Variants in PRKAG2 observed in about 807,000 individuals in gnomAD.
PRKAG2 encodes the protein 5'-AMP-activated protein kinase subunit gamma-2.
PRKAG2 carries 26 observed loss-of-function variants against 69.6 expected under a neutral mutation model. The ratio of observed to expected loss-of-function variants is 0.37; its 90% confidence interval spans 0.27 to 0.52. The LOEUF is 0.52. PRKAG2 is among the 20% of genes least tolerant of loss of function. The pLI is 0.90. For synonymous variants in PRKAG2, 293 were observed against 285.0 expected (o/e 1.03, Z -0.28); for missense variants, 557 against 740.0 (o/e 0.75, Z 2.87).
chr7:151,735,098 C>T (rs750870365), intron 3 of PRKAG2, among the ~76,000 whole-genome samples: 13 of 152,088 alleles, frequency 8.5e-5, no homozygotes, highest in East Asian at 1.9e-4. Context: ...TCAGGTGATC[C>T]GCCTGTTTTG....
intron 3 of PRKAG2, among the ~76,000 whole-genome samples, chr7:151,678,476 G>T (rs1459374723): frequency 6.6e-6 from 1 of 152,188 alleles, no homozygotes; most frequent in East Asian, 1.9e-4. Flanking sequence ...GGAGGTTTAG[G>T]AAGTCACCTA....
rs958965069 is a variant in PRKAG2, at chr7:151,771,835, G to A, written c.466+9317C>T. Among the ~76,000 whole-genome samples the A allele has an allele frequency of 5.3e-5, 8 of 152,142 alleles. No individual in the cohort carries two copies. The highest frequency in any genetic ancestry group is 2.1e-4 in the South Asian group (1 of 4,832). ...CTGTCCCTTCACAGTTTCTGGACCC[G>A]GTCGGGCTTACATATGACCCACTGA... On this transcript the variant is annotated intron_variant, in intron 3 of 15. Coordinates refer to ENST00000287878, the MANE Select transcript of PRKAG2 (RefSeq NM_016203.4). The surrounding 1 kb of genome is among the most constrained non-coding windows in gnomAD (Gnocchi z 4.0).
At chr7:151,569,408 A>G (rs1012753327) in intron 10 of PRKAG2, among the ~76,000 whole-genome samples, 1 of 152,246 alleles carries the variant, frequency 6.6e-6, no homozygotes. Flanking sequence ...ATCCTTAGAA[A>G]AGCAAACAGA....
intron 3 of PRKAG2, among the ~76,000 whole-genome samples, chr7:151,752,614 A>C (rs1340514958): frequency 6.6e-6 from 1 of 152,240 alleles, no homozygotes; most frequent in Admixed American, 6.5e-5. Context: ...ATGGCACTGA[A>C]TAGGATACAA....
intron 5 of PRKAG2, among the ~76,000 whole-genome samples, chr7:151,603,170 C>T (rs1462030134): frequency 3.6e-5 from 5 of 140,806 alleles, no homozygotes; most frequent in Non-Finnish European, 6.2e-5. Context: ...GTCCTCACCG[C>T]ACACGGAGGG....
At chr7:151,798,251 T>G (rs1167066654) in intron 1 of PRKAG2, among the ~76,000 whole-genome samples, 1 of 152,100 alleles carries the variant, frequency 6.6e-6, no homozygotes, top group Admixed American at 6.5e-5. Context: ...ATCCACCTAC[T>G]TTGGCCTCCC....
At chr7:151,630,544 C>T (rs4725418) in intron 5 of PRKAG2, among the ~76,000 whole-genome samples, 1,990 of 152,328 alleles carry the variant, frequency 0.013, 26 homozygotes, top group African/African-American at 0.045. Flanking sequence ...AAAACCAAGG[C>T]ACAGAGAGGT....
intron 4 of PRKAG2, among the ~76,000 whole-genome samples, chr7:151,661,056 C>T (rs1830235022): frequency 6.6e-6 from 1 of 152,170 alleles, no homozygotes; most frequent in Admixed American, 6.5e-5. Context: ...AAATACTTCT[C>T]CAGATGTATG....
chr7:151,742,179 C>T (rs1304480025), intron 3 of PRKAG2, among the ~76,000 whole-genome samples: 1 of 152,180 alleles, frequency 6.6e-6, no homozygotes, highest in Admixed American at 6.5e-5. Context: ...ACTTTCTCAT[C>T]CATGTGCACA....
intron 3 of PRKAG2, among the ~76,000 whole-genome samples, chr7:151,729,754 G>A (rs754299554): frequency 5.3e-5 from 8 of 151,960 alleles, no homozygotes; most frequent in South Asian, 2.1e-4. Flanking sequence ...AGAACACACC[G>A]CAGGCTCCCT....
At chr7:151,842,909 T>C (rs2079345623) in intron 1 of PRKAG2, among the ~76,000 whole-genome samples, 1 of 151,938 alleles carries the variant, frequency 6.6e-6, no homozygotes, top group African/African-American at 2.4e-5. Flanking sequence ...AGAAAACAAG[T>C]AAACTGCAGG....
At chr7:151,662,810 G>T (rs139317270) in intron 4 of PRKAG2, among the ~76,000 whole-genome samples, 17 of 152,278 alleles carry the variant, frequency 1.1e-4, no homozygotes, top group African/African-American at 4.1e-4. Context: ...GGCTACTCAG[G>T]ATAGCTTGAG....
At chr7:151,564,921 AGT>A (rs1805887432) in intron 13 of PRKAG2, among the ~76,000 whole-genome samples, 1 of 152,150 alleles carries the variant, frequency 6.6e-6, no homozygotes, top group Non-Finnish European at 1.5e-5. Context: ...GGGGCTATAA[AGT>A]GTCAGTCCCC....
intron 3 of PRKAG2, among the ~76,000 whole-genome samples, chr7:151,778,183 C>G (rs1425759584): frequency 1.3e-5 from 2 of 152,178 alleles, no homozygotes; most frequent in African/African-American, 2.4e-5. Flanking sequence ...TGCCCGTTCC[C>G]TAGCCCCCTG....
chr7:151,787,409 T>A (rs1366787342), intron 1 of PRKAG2, among the ~76,000 whole-genome samples: 3 of 151,254 alleles, frequency 2.0e-5, no homozygotes, highest in Non-Finnish European at 4.4e-5. Flanking sequence ...CACCCTCCTA[T>A]CTCTTTGAAT....
intron 4 of PRKAG2, among the ~76,000 whole-genome samples, chr7:151,640,308 T>C (rs762039875): frequency 2.6e-5 from 4 of 152,094 alleles, no homozygotes; most frequent in Non-Finnish European, 5.9e-5. Flanking sequence ...AGACTCTGTC[T>C]CAACAAAAAC....
At chr7:151,824,941 C>T (rs1268772660) in intron 1 of PRKAG2, among the ~76,000 whole-genome samples, 3 of 152,144 alleles carry the variant, frequency 2.0e-5, no homozygotes, top group Non-Finnish European at 2.9e-5. Flanking sequence ...AGGCGGGGCA[C>T]GGTGGCTCAT....
Position 151,861,210 on chromosome 7 carries a change from G to T in PRKAG2, c.114+15297C>A, listed in dbSNP as rs144606603. On this transcript the variant is annotated intron_variant, in intron 1 of 15. Transcript: ENST00000287878. ...CCAAAGCCTAATGAGGGATTAAAAA[G>T]GAAATCTCGTTCAAATTACAATCAA... 1.3e-3 allele frequency among the ~76,000 whole-genome samples: 197 copies of T among 152,274 alleles called. 1 individual carries two copies. Among genetic ancestry groups the T allele is most frequent in the African/African-American group, 4.6e-3 (193 of 41,556 alleles).
intron 4 of PRKAG2, among the ~76,000 whole-genome samples, chr7:151,640,468 AC>A (rs2151363182): frequency 6.6e-6 from 1 of 152,160 alleles, no homozygotes; most frequent in African/African-American, 2.4e-5. Flanking sequence ...TGTACCCCAC[AC>A]CTAAACCTTA....
Sources: allele counts gnomAD v4.1 joint callset (sites outside exome capture counted in the v4.1 genomes callset), GRCh38; gene constraint gnomAD v4.1.1; non-coding constraint Gnocchi (gnomAD v3.1); transcripts MANE v1.5; gene names NCBI Gene and HGNC (gene_info 2026-07-23, HGNC 2026-07-21).